AKR1E2: variants seen among roughly 807,000 people sequenced by gnomAD.
AKR1E2 encodes aldo-keto reductase family 1 member E2, also known as 1,5-anhydro-D-fructose reductase.
AKR1E2 carries 43 observed loss-of-function variants against 41.9 expected under a neutral mutation model. The ratio of observed to expected loss-of-function variants is 1.03; its 90% CI spans 0.80 to 1.32. The LOEUF (loss-of-function observed/expected upper bound fraction) is 1.32. Among genes scored for constraint, AKR1E2 ranks in the 40% most tolerant of loss-of-function variants. The pLI, the probability that AKR1E2 is intolerant of heterozygous loss-of-function variation, is 0.00. For missense variants in AKR1E2, 423 were observed against 396.5 expected (o/e 1.07, Z -0.57); for synonymous variants, 121 against 138.9 (o/e 0.87, Z 0.91).
chr10:4,870,741 TG>T, the AKR1E2 span, among the ~76,000 whole-genome samples: 1 of 152,098 alleles, frequency 6.6e-6, no homozygotes, highest in Non-Finnish European at 1.5e-5. Flanking sequence ...TTAATTATGA[TG>T]TGTCTTGGTG....
intron 8 of AKR1E2, among the ~76,000 whole-genome samples, chr10:4,843,236 A>G (rs560393502): frequency 6.6e-6 from 1 of 152,314 alleles, no homozygotes; most frequent in African/African-American, 2.4e-5. Context: ...TAACTGCTGC[A>G]TGACCTCTCT....
At chr10:4,832,854 C>T (rs764709881) in intron 2 of AKR1E2, among the ~76,000 whole-genome samples, 2 of 152,146 alleles carry the variant, frequency 1.3e-5, no homozygotes, top group South Asian at 2.1e-4. Flanking sequence ...AGTTTTTCTA[C>T]ATAATGAGAG....
intron 9 of AKR1E2, 27 bp downstream of exon 9, chr10:4,847,257 CAGAG>C: frequency 6.2e-7 from 1 of 1,613,230 alleles, no homozygotes; most frequent in Non-Finnish European, 8.5e-7. Context: ...CTTTTTAAAA[CAGAG>C]GGAAGAATAT....
At position 4,837,467 on chromosome 10, in the gene AKR1E2, G is replaced by A. The variant is rs200448747; in HGVS notation, c.468G>A (p.Glu156=). 2 of 1,614,180 alleles carry A rather than the reference G, an allele frequency of 1.2e-6. No individual in the cohort carries two copies. The highest frequency in any genetic ancestry group is 1.7e-5 in the Admixed American group (1 of 60,026). The part of the protein sequence containing the change: ...TDFLDTWEAM[E]DLVITGLVKN... ...GAGTCGTTCTCTTATAGGCCATGGAGGACCTGGTGATCACCGGGCTGGTGA... is the reference window on the plus strand; with the variant it reads ...GAGTCGTTCTCTTATAGGCCATGGAAGACCTGGTGATCACCGGGCTGGTGA... The change falls in exon 5 of 10, where the codon GAG becomes GAA. Residue 156 remains glutamate (E), a synonymous_variant. Coordinates refer to ENST00000298375, the MANE Select transcript of AKR1E2 (RefSeq NM_001040177.3).
In AKR1E2 at chr10:4,845,823, A is replaced by G. The variant is rs1834292506; in HGVS notation, c.838-1325A>G. ...AAATGCCATCCTCAGGCAGTGAGAC[A>G]GGACCAGGCTGACGTGAGACCTGAG... On this transcript the variant is annotated intron_variant, in intron 8 of 9. Transcript: ENST00000298375. 15 of 471,112 alleles carry G rather than the reference A, an allele frequency of 3.2e-5. No individual in the cohort carries two copies. In the Middle Eastern group the frequency reaches 3.9e-3, roughly 122 times the overall value. The allele number at this position is 471,112 out of a possible 1,614,324, so 29.2% of individuals were successfully genotyped here.
At position 4,839,745 on chromosome 10, in the gene AKR1E2, A is replaced by C; in HGVS notation, c.599A>C (p.Tyr200Ser). 1 of 1,613,972 alleles carries C rather than the reference A, an allele frequency of 6.2e-7. No individual in the cohort carries two copies. Residue 200 changes from tyrosine (Y) to serine (S), a missense_variant, in exon 6 of 10, where the codon TAT (tyrosine) becomes TCT (serine). Transcript: ENST00000298375. ...CTGTTATAGATTGAGTGCCACCCAT[A>C]TCTTACTCAGAAGAATCTGATCAGT... ...PLTNQIECHP[Y>S]LTQKNLISFC...
chr10:4,833,702 G>T lies in AKR1E2; in HGVS notation c.324+236G>T, dbSNP rs2961576. On this transcript the variant is annotated intron_variant, in intron 3 of 9. Transcript: ENST00000298375. Reference sequence around the variant, plus strand: ...CACAGGTCTGTCTTTCAAGCCAGTCGCTTTTTTTCCAAGCCAAGAGAGCAG... The same window carrying T: ...CACAGGTCTGTCTTTCAAGCCAGTCTCTTTTTTTCCAAGCCAAGAGAGCAG... Among the ~76,000 whole-genome samples, 29,794 of 152,046 alleles carry T rather than the reference G, an allele frequency of 0.2. 3,141 individuals are homozygous for T. Among genetic ancestry groups the T allele is most frequent in the Middle Eastern group, 0.34 (100 of 294 alleles).
chr10:4,827,963 C>A (rs199728657), intron 1 of AKR1E2, among the ~76,000 whole-genome samples: 1 of 141,766 alleles, frequency 7.1e-6, no homozygotes, highest in Non-Finnish European at 1.6e-5. Flanking sequence ...TCAAAATATT[C>A]TATTTATTTT....
chr10:4,832,854 C>A (rs764709881), intron 2 of AKR1E2, among the ~76,000 whole-genome samples: 2 of 152,146 alleles, frequency 1.3e-5, no homozygotes, highest in African/African-American at 4.8e-5. Flanking sequence ...AGTTTTTCTA[C>A]ATAATGAGAG....
downstream of AKR1E2, among the ~76,000 whole-genome samples, chr10:4,850,780 G>A (rs898082281): frequency 1.4e-4 from 22 of 152,126 alleles, no homozygotes; most frequent in Non-Finnish European, 5.9e-5. Flanking sequence ...TTCACTGTGG[G>A]TGCCGCAGGG....
chr10:4,830,546 ATTATAC>A, intron 1 of AKR1E2, 123 bp from the exon 2 acceptor site: 2 of 1,007,796 alleles, frequency 2.0e-6, no homozygotes, highest in Non-Finnish European at 2.9e-6. Context: ...TTTTAGACTG[ATTATAC>A]TAGTACCAAA....
chr10:4,825,895 A>G (rs1481635854), upstream of AKR1E2, among the ~76,000 whole-genome samples: 3 of 152,192 alleles, frequency 2.0e-5, no homozygotes, highest in Non-Finnish European at 2.9e-5. Context: ...ACCCGGTGCG[A>G]GGGAGAAGGC....
At chr10:4,871,931 G>A in the AKR1E2 span, 1 of 151,384 alleles carries the variant, frequency 6.6e-6, no homozygotes, top group Non-Finnish European at 1.5e-5. Context: ...TCTGGGTGAT[G>A]AGAAAAGCTG....
At chr10:4,837,837 C>G (rs1386701566) in intron 5 of AKR1E2, among the ~76,000 whole-genome samples, 1 of 152,198 alleles carries the variant, frequency 6.6e-6, no homozygotes, top group South Asian at 2.1e-4. Flanking sequence ...GCAGGCAGGT[C>G]ACCAGGTGTA....
At chr10:4,837,656 T>G (rs1833539948) in intron 5 of AKR1E2, 75 bp downstream of exon 5, 3 of 1,560,768 alleles carry the variant, frequency 1.9e-6, no homozygotes, top group Non-Finnish European at 2.6e-6. Context: ...AGGGCTCTTC[T>G]GGAAATGGAA....
chr10:4,826,072 A>AGGTG (rs1832459690), upstream of AKR1E2: 1 of 391,608 alleles, frequency 2.6e-6, no homozygotes, highest in African/African-American at 2.1e-5. Context: ...TTGGGACTCC[A>AGGTG]GCTGGCTCTG....
In AKR1E2 at chr10:4,835,735, C is replaced by T. The variant is rs748631440; in HGVS notation, c.385C>T (p.Arg129Ter). Residue 129 changes from arginine to a stop codon, truncating the protein, a stop_gained, in exon 4 of 10, where the codon CGA becomes TGA. Transcript: ENST00000298375. LOFTEE classifies it high-confidence loss of function. Reference protein sequence around the residue: ...SELSFCLSHPRVQDLPLDESN... With the variant: ...SELSFCLSHP ...ACTTTCCTTCTGCCTCTCACATCCTCGAGTGCAGGACTTGCCTCTGGACGA... is the reference window on the plus strand; with the variant it reads ...ACTTTCCTTCTGCCTCTCACATCCTTGAGTGCAGGACTTGCCTCTGGACGA... 9.9e-6 allele frequency: 16 copies of T among 1,614,074 alleles called. No homozygotes were observed. The highest frequency in any genetic ancestry group is 1.3e-5 in the African/African-American group (1 of 74,926).
intron 2 of AKR1E2, among the ~76,000 whole-genome samples, chr10:4,832,305 T>C (rs1048463905): frequency 1.3e-5 from 2 of 152,238 alleles, no homozygotes; most frequent in African/African-American, 2.4e-5. Context: ...GTTGTTTCTA[T>C]AGTTGAATTG....
chr10:4,848,942 A>G (rs1834472711), downstream of AKR1E2, among the ~76,000 whole-genome samples: 1 of 152,202 alleles, frequency 6.6e-6, no homozygotes, highest in Non-Finnish European at 1.5e-5. Flanking sequence ...GGAAGAATGC[A>G]TTGTTACTGC....
Sources: gnomAD v4.1 joint callset for allele counts (sites outside exome capture counted in the v4.1 genomes callset) on GRCh38, gnomAD v4.1.1 for gene constraint, MANE v1.5 for transcripts, NCBI Gene and HGNC (gene_info 2026-07-23, HGNC 2026-07-21) for gene names.